MGST1: variants seen among roughly 807,000 people sequenced by gnomAD.
MGST1 encodes the protein glutathione S-transferase 12.
Under a neutral mutation model 8.9 loss-of-function variants are expected in MGST1, and 5 were observed. That is an observed-to-expected ratio of 0.56 (90% CI 0.29 to 1.19). The LOEUF (loss-of-function observed/expected upper bound fraction) is 1.19. Among genes scored for constraint, MGST1 ranks in the 50% most tolerant of loss-of-function variants. The pLI, the probability that MGST1 is intolerant of heterozygous loss-of-function variation, is 0.08. For synonymous variants in MGST1, 54 were observed against 67.8 expected (o/e 0.80, Z 1.00); for missense variants, 182 against 187.4 (o/e 0.97, Z 0.17).
chr12:16,414,248 T>G (rs1940766253), intron 1 of MGST1, among the ~76,000 whole-genome samples: 1 of 151,804 alleles, frequency 6.6e-6, no homozygotes, highest in South Asian at 2.1e-4. Context: ...AGCCTAAAAA[T>G]GTGGACTCCA....
chr12:16,590,022 C>G (rs1353025481), downstream of MGST1, among the ~76,000 whole-genome samples: 6 of 152,064 alleles, frequency 3.9e-5, no homozygotes, highest in East Asian at 9.7e-4. Context: ...ATTCAAAGCA[C>G]ATTTGCATAG....
chr12:16,478,231 T>G (rs543967702), intron 4 of MGST1, among the ~76,000 whole-genome samples: 49 of 151,980 alleles, frequency 3.2e-4, no homozygotes, highest in African/African-American at 1.2e-3. Context: ...GGTTTCACCA[T>G]GTTGGCCAAG....
In MGST1 at chr12:16,414,237, T is replaced by C. The variant is rs540275382; in HGVS notation, n.779-23151T>C. The stretch of plus-strand genomic sequence containing the variant: ...TTATGTATACTGATTTATGATTTTC[T>C]AGCCTAAAAATGTGGACTCCACAGG... On this transcript the variant is annotated intron_variant and non_coding_transcript_variant, in intron 1 of 1. Transcript: ENST00000359720. Among the ~76,000 whole-genome samples, 32 of 151,856 alleles carry C rather than the reference T, an allele frequency of 2.1e-4. No individual in the cohort carries two copies. In the East Asian group the frequency reaches 6.2e-3, roughly 29 times the overall value.
At chr12:16,516,909 ATGACT>A (rs1210117848) in intron 4 of MGST1, among the ~76,000 whole-genome samples, 4 of 152,176 alleles carry the variant, frequency 2.6e-5, no homozygotes, top group African/African-American at 9.7e-5. Context: ...ACTTTCAGAG[ATGACT>A]TAACTTACAA....
downstream of MGST1, chr12:16,377,214 T>A (rs113925655): frequency 6.6e-6 from 1 of 151,874 alleles, no homozygotes; most frequent in Non-Finnish European, 1.5e-5. Context: ...GTTACATATG[T>A]ATACATGTGC....
chr12:16,354,435 A>T (rs949423461), intron 2 of MGST1, 57 bp downstream of exon 2: 9 of 1,538,854 alleles, frequency 5.8e-6, no homozygotes, highest in Middle Eastern at 2.2e-4. Flanking sequence ...TCTGGAGAGC[A>T]GTTTTCTTAA....
intron 4 of MGST1, among the ~76,000 whole-genome samples, chr12:16,534,543 G>A (rs1052738594): frequency 2.0e-5 from 3 of 152,258 alleles, no homozygotes; most frequent in Admixed American, 1.3e-4. Context: ...GTTCCCTTAT[G>A]TATTGTGTGT....
intron 4 of MGST1, chr12:16,514,056 G>T: frequency 2.6e-6 from 1 of 386,422 alleles, no homozygotes; most frequent in Admixed American, 3.4e-5. Flanking sequence ...GTCCCAAGCA[G>T]CAGAAGGAAA....
chr12:16,560,239 T>G lies in MGST1; in HGVS notation n.483-29289T>G, dbSNP rs903026773. 6.6e-6 allele frequency among the ~76,000 whole-genome samples: 1 copy of G among 152,190 alleles called. No individual in the cohort carries two copies. The highest frequency in any genetic ancestry group is 6.5e-5 in the Admixed American group (1 of 15,276). ...TTTTCTTTCAGGTAGAAGTAAGTCTTAAGACCTTTCTTCTCCTTAGTAGCT... is the reference window on the plus strand; with the variant it reads ...TTTTCTTTCAGGTAGAAGTAAGTCTGAAGACCTTTCTTCTCCTTAGTAGCT... On this transcript the variant is annotated intron_variant and non_coding_transcript_variant, in intron 4 of 4. Transcript: ENST00000538857. This position sits in a 1 kb window ranked among gnomAD's most constrained non-coding sequence, Gnocchi z 5.0.
chr12:16,404,626 C>T (rs955764039), intron 1 of MGST1, among the ~76,000 whole-genome samples: 1 of 152,054 alleles, frequency 6.6e-6, no homozygotes, highest in Non-Finnish European at 1.5e-5. Flanking sequence ...ATATTTTTAA[C>T]CTTCTCTGGG....
In MGST1 at chr12:16,544,697, A is replaced by G. The variant is rs1043905306; in HGVS notation, n.483-44831A>G. Reference sequence around the variant, plus strand: ...GGGACAAAAATATCAAAATAATCCTATAGCTTATAATGAGATACTAAAATC... The same window carrying G: ...GGGACAAAAATATCAAAATAATCCTGTAGCTTATAATGAGATACTAAAATC... On this transcript the variant is annotated intron_variant and non_coding_transcript_variant, in intron 4 of 4. Transcript: ENST00000538857. This position sits in a 1 kb window ranked among gnomAD's most constrained non-coding sequence, Gnocchi z 4.8. Among the ~76,000 whole-genome samples, 3 of 152,128 alleles carry G rather than the reference A, an allele frequency of 2.0e-5. No individual in the cohort carries two copies. Among genetic ancestry groups the G allele is most frequent in the Non-Finnish European group, 4.4e-5 (3 of 67,976 alleles).
At chr12:16,573,925 C>T (rs577678788) in intron 4 of MGST1, 2 of 152,340 alleles carry the variant, frequency 1.3e-5, no homozygotes, top group South Asian at 4.1e-4. Flanking sequence ...TAGGCCCTCA[C>T]TCTATCTACA....
rs111235495 is a variant in MGST1 at position 16,560,056 on chromosome 12, T to C, written n.483-29472T>C. On this transcript the variant is annotated intron_variant and non_coding_transcript_variant, in intron 4 of 4. Coordinates refer to the MGST1 transcript ENST00000538857. The surrounding 1 kb of genome is among the most constrained non-coding windows in gnomAD (Gnocchi z 5.0). ...CTGCAACAAATTCCTGTATATTTGC[T>C]TCATTGCCAATTTATTTACTCACAT... 6.6e-5 allele frequency among the ~76,000 whole-genome samples: 10 copies of C among 152,266 alleles called. No individual in the cohort carries two copies. The highest frequency in any genetic ancestry group is 1.9e-4 in the African/African-American group (8 of 41,570).
At chr12:16,387,885 C>T (rs762128906) in intron 1 of MGST1, among the ~76,000 whole-genome samples, 9 of 151,570 alleles carry the variant, frequency 5.9e-5, no homozygotes, top group Non-Finnish European at 1.3e-4. Flanking sequence ...CTTACCATTG[C>T]ACTACAATTT....
intron 1 of MGST1, among the ~76,000 whole-genome samples, chr12:16,387,757 A>G (rs1440887759): frequency 2.6e-5 from 4 of 152,128 alleles, no homozygotes; most frequent in Admixed American, 2.6e-4. Context: ...CGATCTCCTG[A>G]CCTCATGATC....
At chr12:16,408,053 A>T (rs1042465952) in intron 1 of MGST1, among the ~76,000 whole-genome samples, 5 of 149,750 alleles carry the variant, frequency 3.3e-5, no homozygotes, top group African/African-American at 4.9e-5. Flanking sequence ...AAAAAAAAAA[A>T]AAAAAGACAG....
chr12:16,469,093 T>C (rs778853087), intron 4 of MGST1, among the ~76,000 whole-genome samples: 4 of 152,218 alleles, frequency 2.6e-5, no homozygotes, highest in Non-Finnish European at 5.9e-5. Context: ...TCCATTTTAT[T>C]TGAGTGAGAT....
At chr12:16,508,066 G>A (rs1182035027) in intron 4 of MGST1, among the ~76,000 whole-genome samples, 1 of 152,104 alleles carries the variant, frequency 6.6e-6, no homozygotes, top group Non-Finnish European at 1.5e-5. Flanking sequence ...AGGAAGAAGG[G>A]ATCTCTTTAT....
At chr12:16,448,461 A>AC (rs36080123) in intron 4 of MGST1, among the ~76,000 whole-genome samples, 1 of 151,830 alleles carries the variant, frequency 6.6e-6, no homozygotes, top group Non-Finnish European at 1.5e-5. Flanking sequence ...TATGATGCAC[A>AC]CGAGATTATC....
Sources: allele counts gnomAD v4.1 joint callset (sites outside exome capture counted in the v4.1 genomes callset), GRCh38; gene constraint gnomAD v4.1.1; non-coding constraint Gnocchi (gnomAD v3.1); transcripts MANE v1.5; gene names NCBI Gene and HGNC (gene_info 2026-07-23, HGNC 2026-07-21).